The following OBSL1 variants were observed in gnomAD, a reference collection of about 807,000 sequenced individuals.
OBSL1 encodes the protein obscurin like cytoskeletal adaptor 1, also known as obscurin-like protein 1.
Under a neutral mutation model 172.0 loss-of-function variants are expected in OBSL1, and 160 were observed. The observed-to-expected ratio is 0.93, with a 90% CI of 0.82 to 1.06. The LOEUF is 1.06. Among genes scored for constraint, OBSL1 ranks in the 50% least tolerant of loss-of-function variants. The pLI is 0.00. For missense variants in OBSL1, 2,681 were observed against 2,715.4 expected (o/e 0.99, Z 0.28); for synonymous variants, 1,200 against 1,196.3 (o/e 1.00, Z -0.06).
In OBSL1 at chr2:219,553,687, CTG is replaced by C. The variant is rs1553530358; in HGVS notation, c.4877-3_4877-2del. 1 of 1,611,118 alleles carries C rather than the reference CTG, an allele frequency of 6.2e-7. No individual in the cohort carries two copies. The highest frequency in any genetic ancestry group is 8.5e-7 in the Non-Finnish European group (1 of 1,177,922). ...CCCCGCACGATGGTCACTGGGACCT[CTG>C]GGGGTGGGAGAGGGAGGACAGTGCA... On this transcript the variant is annotated splice_acceptor_variant and splice_polypyrimidine_tract_variant and intron_variant, in intron 15 of 20. Transcript: ENST00000404537. LOFTEE classifies it high-confidence loss of function.
chr2:219,565,559 T>C (rs1329900894), intron 5 of OBSL1, 45 bp from the exon 6 acceptor site: 3 of 1,580,930 alleles, frequency 1.9e-6, no homozygotes, highest in Non-Finnish European at 2.6e-6. Context: ...CTCCGGTGCA[T>C]GGGCTCAGTG....
rs2303543 is a variant in OBSL1, at chr2:219,563,659, A to T, written c.2408-32T>A. On this transcript the variant is annotated intron_variant, in intron 6 of 20. Transcript: ENST00000404537. ...GGGAAGCAGAGATGGCATTGCACAG[A>T]CACCCCCGCACAATGAGTCCAAACT... 0.66 allele frequency: 1,047,385 copies of T among 1,592,782 alleles called. 351,059 individuals are homozygous for T. The highest frequency in any genetic ancestry group is 0.75 in the South Asian group (66,564 of 88,786).
Position 219,551,980 on chromosome 2 carries a change from C to T in OBSL1, c.5413+132G>A. 3 of 1,040,600 alleles carry T rather than the reference C, an allele frequency of 2.9e-6. No individual in the cohort carries two copies. In the South Asian group the frequency reaches 4.4e-5, roughly 15 times the overall value. The allele number at this position is 1,040,600 out of a possible 1,614,324, so 64.5% of individuals were successfully genotyped here. A position where few individuals can be genotyped will look rare whatever the true frequency, so the allele number is the denominator to read the frequency against. On this transcript the variant is annotated intron_variant, in intron 19 of 20. Transcript: ENST00000404537. Reference sequence around the variant, plus strand: ...GGGGAAACGCGCTGCCCTCTGTGACCCGGCCCAGGAGAGCCCCTCGGGGGG... The same window carrying T: ...GGGGAAACGCGCTGCCCTCTGTGACTCGGCCCAGGAGAGCCCCTCGGGGGG...
rs1298068212 is a variant in OBSL1, at chr2:219,552,137, C to G, written c.5388G>C (p.Gln1796His). 3 of 1,611,518 alleles carry G rather than the reference C, an allele frequency of 1.9e-6. No individual in the cohort carries two copies. Among genetic ancestry groups the G allele is most frequent in the Admixed American group, 3.3e-5 (2 of 59,800 alleles). The part of the protein sequence containing the change: ...GEVRFQAGPA[Q>H]SLALLEVEAL... ...CCTCCACTTCCAGTAGAGCCAGGGA[C>G]TGGGCGGGCCCCGCCTGGAAGCGGA... The change falls in exon 19 of 21, where the codon CAG (glutamine) becomes CAC (histidine). Residue 1796 changes from glutamine to histidine, a missense_variant. By Grantham distance (24) the Gln-to-His change is conservative. Transcript: ENST00000404537.
chr2:219,552,127 G>A lies in OBSL1; in HGVS notation c.5398C>T (p.Leu1800=), dbSNP rs1488057263. The A allele has an allele frequency of 1.2e-6, 2 of 1,610,668 alleles. No homozygotes were observed. The highest frequency in any genetic ancestry group is 1.7e-6 in the Non-Finnish European group (2 of 1,178,924). Residue 1800 remains leucine, a synonymous_variant, in exon 19 of 21, where the codon CTA becomes TTA. Transcript: ENST00000404537. ...AGGTGCTTACCCTCCACTTCCAGTA[G>A]AGCCAGGGACTGGGCGGGCCCCGCC... ...FQAGPAQSLA[L]LEVEALPLQM... is the part of the protein sequence containing the mutation.
intron 8 of OBSL1, chr2:219,561,604 G>A (rs1386879011): frequency 8.5e-6 from 4 of 469,928 alleles, no homozygotes; most frequent in East Asian, 4.0e-5. Context: ...GTGTCTGCGT[G>A]CTGCTGGCTC....
chr2:219,564,941 C>T (rs1446861868), intron 6 of OBSL1, among the ~76,000 whole-genome samples: 2 of 152,162 alleles, frequency 1.3e-5, no homozygotes, highest in African/African-American at 4.8e-5. Flanking sequence ...GTGGCGCGCA[C>T]CTGTAGTCCC....
rs1697344900 is a variant in OBSL1, at chr2:219,571,373, G to C, written c.-141C>G. ...CCCGCGGAGCTCTCCCGGGCCTCCCGCTCCCGGCTCGCCTCCTTACCCTCG... is the reference window on the plus strand; with the variant it reads ...CCCGCGGAGCTCTCCCGGGCCTCCCCCTCCCGGCTCGCCTCCTTACCCTCG... On this transcript the variant is annotated 5_prime_UTR_variant, in exon 1 of 21. Transcript: ENST00000404537. 2.2e-6 allele frequency: 1 copy of C among 452,012 alleles called. No individual in the cohort carries two copies. The highest frequency in any genetic ancestry group is 2.1e-5 in the African/African-American group (1 of 48,602). The allele number at this position is 452,012 out of a possible 1,614,324, so 28.0% of individuals were successfully genotyped here.
chr2:219,570,376 A>G lies in OBSL1; in HGVS notation c.857T>C (p.Leu286Pro), dbSNP rs755182110. ...CATGAGGCGGCGGCGGTCCGGGAGC[A>G]GCGGGCGGCCCTCCCAGTGCCATTC... ...EIEWHWEGRP[L>P]LPDRRRLMYR... The change falls in exon 1 of 21, where the codon CTG (leucine) becomes CCG (proline). Residue 286 changes from leucine (L) to proline (P), a missense_variant. Around this residue, in one of 5 missense-constraint regions of OBSL1, gnomAD observed 706 missense variants for 695.8 expected, o/e 1.01. Transcript: ENST00000404537. 1.4e-5 allele frequency: 23 copies of G among 1,612,876 alleles called. 1 individual carries two copies. The South Asian group carries it at 2.2e-4, about 15-fold the overall frequency.
intron 14 of OBSL1, chr2:219,555,749 A>G (rs1032437876): frequency 3.0e-6 from 4 of 1,344,916 alleles, no homozygotes; most frequent in Non-Finnish European, 3.8e-6. Context: ...AAGGATGCCC[A>G]TGGCAAGTCT....
intron 18 of OBSL1, 73 bp downstream of exon 18, chr2:219,552,462 TC>T (rs1319708901): frequency 9.0e-6 from 13 of 1,444,150 alleles, no homozygotes; most frequent in Non-Finnish European, 1.2e-5. Flanking sequence ...GCGGGGCTTG[TC>T]CCGGTGGGGC....
In OBSL1 at chr2:219,567,114, C is replaced by G; in HGVS notation, c.1850G>C (p.Arg617Pro). The G allele has an allele frequency of 1.2e-6, 2 of 1,612,950 alleles. No homozygotes were observed. The highest frequency in any genetic ancestry group is 4.5e-5 in the East Asian group (2 of 44,858). ...HGSAHLVPTARLVAGLEDVQV... is the reference protein window; with the variant it reads ...HGSAHLVPTAPLVAGLEDVQV... ...CACATCCTCCAGACCTGCCACCAGGCGAGCTGTGGGCACTGAGGCAGGGAC... is the reference window on the plus strand; with the variant it reads ...CACATCCTCCAGACCTGCCACCAGGGGAGCTGTGGGCACTGAGGCAGGGAC... The change falls in exon 5 of 21, where the codon CGC (arginine) becomes CCC (proline). Residue 617 changes from arginine to proline, a missense_variant. Physicochemically the swap from Arg to Pro is moderately radical, Grantham distance 103 (BLOSUM62 -2). Transcript: ENST00000404537.
rs570704076 is a variant in OBSL1, at chr2:219,557,556, C to T, written c.3853G>A (p.Gly1285Arg). The T allele has an allele frequency of 7.9e-5, 122 of 1,552,088 alleles. No homozygotes were observed. The South Asian group carries it at 1.2e-3, about 15-fold the overall frequency. Reference protein sequence around the residue: ...AQTRVRSTPGGDLELVVHLSG... With the variant: ...AQTRVRSTPGRDLELVVHLSG... ...AGGTGCACCACCAGCTCTAGGTCCC[C>T]GCCTGGGGTGCTCCGAACCCTCGTC... The change falls in exon 12 of 21, where the codon GGG becomes AGG. Residue 1285 changes from glycine to arginine, a missense_variant. Physicochemically the swap from Gly to Arg is moderately radical, Grantham distance 125. Around this residue, in one of 5 missense-constraint regions of OBSL1, gnomAD observed 1,765 missense variants for 1,748.3 expected, o/e 1.01. Transcript: ENST00000404537.
chr2:219,565,469 G>A lies in OBSL1; in HGVS notation c.2180C>T (p.Thr727Ile). 1 of 1,612,664 alleles carries A rather than the reference G, an allele frequency of 6.2e-7. No homozygotes were observed. The highest frequency in any genetic ancestry group is 8.5e-7 in the Non-Finnish European group (1 of 1,179,864). The change falls in exon 6 of 21, where the codon ACC (threonine) becomes ATC (isoleucine). Residue 727 changes from threonine to isoleucine, a missense_variant. Coordinates refer to ENST00000404537, the MANE Select transcript of OBSL1 (RefSeq NM_015311.3). ...ILSPQDRVSL[T>I]FTTSERVVLT... ...CACCACCCGCTCTGAGGTTGTGAAG[G>A]TCAACGACACCCTGTCCTGGGGGCT...
At chr2:219,549,217 G>A, downstream of OBSL1, 1 of 1,614,010 alleles carries the variant, frequency 6.2e-7, no homozygotes, top group East Asian at 2.2e-5. Flanking sequence ...AGATCGCAAG[G>A]AGAAAAGGCG....
intron 19 of OBSL1, 23 bp from the exon 20 acceptor site, chr2:219,551,821 TAAGTTA>T (rs777125553): frequency 1.4e-6 from 2 of 1,458,092 alleles, no homozygotes; most frequent in Non-Finnish European, 1.9e-6. Context: ...GGCGGGGGCT[TAAGTTA>T]ATAGGGACAC....
In OBSL1 at chr2:219,566,982, C is replaced by T. The variant is rs375316773; in HGVS notation, c.1982G>A (p.Gly661Asp). The change falls in exon 5 of 21, where the codon GGC becomes GAC. Residue 661 changes from glycine to aspartate, a missense_variant. Transcript: ENST00000404537. ...CCGCAGGGCCCCAGGTTCCACCTGG[C>T]CCTCCGGCTCGTTACTCTTGAGCTC... ...GEELKSNEPE[G>D]QVEPGALRYR... The T allele has an allele frequency of 1.9e-6, 3 of 1,613,752 alleles. No individual in the cohort carries two copies. Among genetic ancestry groups the T allele is most frequent in the Non-Finnish European group, 2.5e-6 (3 of 1,179,878 alleles).
chr2:219,566,884 G>A lies in OBSL1; in HGVS notation c.2080C>T (p.Leu694=), dbSNP rs763731922. Residue 694 remains leucine, a synonymous_variant, in exon 5 of 21, where the codon CTG becomes TTG. Transcript: ENST00000404537. ...HAVKHQDSGA[L]VGFSCPGVQD... Reference sequence around the variant, plus strand: ...ACGCCGGGGCAGCTGAAGCCGACCAGGGCACCGCTGTCCTGGTGCTTGACG... The same window carrying A: ...ACGCCGGGGCAGCTGAAGCCGACCAAGGCACCGCTGTCCTGGTGCTTGACG... The A allele has an allele frequency of 3.7e-6, 6 of 1,604,264 alleles. No individual in the cohort carries two copies. The highest frequency in any genetic ancestry group is 1.1e-5 in the South Asian group (1 of 90,922).
At chr2:219,551,387 T>G in intron 20 of OBSL1, 142 bp downstream of exon 20, 1 of 1,293,664 alleles carries the variant, frequency 7.7e-7, no homozygotes, top group Non-Finnish European at 1.0e-6. Context: ...GCTCTACCCC[T>G]CCCCTCCCCC....
Sources: allele counts gnomAD v4.1 joint callset (sites outside exome capture counted in the v4.1 genomes callset), GRCh38; gene constraint gnomAD v4.1.1; regional missense constraint gnomAD v4.1.1; transcripts MANE v1.5; gene names NCBI Gene and HGNC (gene_info 2026-07-23, HGNC 2026-07-21).